The following ATP6V1H variants were observed in gnomAD, a reference collection of about 807,000 sequenced individuals.
ATP6V1H encodes ATPase H+ transporting V1 subunit H.
A neutral mutation model predicts 71.7 loss-of-function variants in ATP6V1H; 39 were observed. That is an observed-to-expected ratio of 0.54 (90% CI 0.42 to 0.71). ATP6V1H has a LOEUF of 0.71. Ranked by LOEUF, ATP6V1H falls within the 30% of genes least tolerant of loss-of-function variation. The pLI is 0.00. For missense variants in ATP6V1H, 509 were observed against 594.9 expected, an observed-to-expected ratio of 0.86 and a Z score of 1.50; for synonymous variants, 192 against 199.3, an observed-to-expected ratio of 0.96 and a Z score of 0.31.
chr8:53,715,949 A>G lies in ATP6V1H; in HGVS notation c.*15T>C. 1.2e-6 allele frequency: 2 copies of G among 1,607,456 alleles called. No individual in the cohort carries two copies. Among genetic ancestry groups the G allele is most frequent in the Non-Finnish European group, 1.7e-6 (2 of 1,177,228 alleles). On this transcript the variant is annotated 3_prime_UTR_variant, in exon 14 of 14. Transcript: ENST00000359530. ...TGGTTCTGCATTGAGGCGGAGGGGA[A>G]GGCCAGAGGCAGGCTTAGCTTCGGG...
chr8:53,791,915 C>T (rs1390618804), intron 9 of ATP6V1H, among the ~76,000 whole-genome samples: 4 of 152,188 alleles, frequency 2.6e-5, no homozygotes, highest in Non-Finnish European at 5.9e-5. Flanking sequence ...ATACATGGAA[C>T]CCACAACTGT....
chr8:53,743,265 G>C (rs986932625), intron 13 of ATP6V1H, among the ~76,000 whole-genome samples: 12 of 152,208 alleles, frequency 7.9e-5, no homozygotes, highest in African/African-American at 2.9e-4. Context: ...GTCTCTAAAG[G>C]AATCAGTAGT....
intron 11 of ATP6V1H, among the ~76,000 whole-genome samples, chr8:53,765,460 C>CA (rs1808423823): frequency 5.6e-5 from 1 of 17,724 alleles, no homozygotes; most frequent in African/African-American, 8.1e-5. Flanking sequence ...CAACAACACA[C>CA]ACACACACAC....
intron 12 of ATP6V1H, among the ~76,000 whole-genome samples, chr8:53,755,263 A>T (rs2130245201): frequency 6.6e-6 from 1 of 152,234 alleles, no homozygotes; most frequent in Non-Finnish European, 1.5e-5. Context: ...GGTTGCTGTT[A>T]TCCTTCCACT....
intron 4 of ATP6V1H, among the ~76,000 whole-genome samples, chr8:53,820,058 T>C (rs1296709488): frequency 1.3e-5 from 2 of 151,980 alleles, no homozygotes; most frequent in Admixed American, 1.3e-4. Context: ...TCTCTCATAC[T>C]CCATCACAAG....
In ATP6V1H at chr8:53,775,053, G is replaced by A. The variant is rs577751393; in HGVS notation, c.871-2886C>T. Among the ~76,000 whole-genome samples, 36 of 152,376 alleles carry A rather than the reference G, an allele frequency of 2.4e-4. No individual in the cohort carries two copies. The South Asian group carries it at 6.2e-3, about 26-fold the overall frequency. ...CGGTGTTACAGTTCTTGAAGGCGGC[G>A]TGTCCGGAGTTTGTTCCCTCTGATG... On this transcript the variant is annotated intron_variant, in intron 9 of 13. Transcript: ENST00000359530.
In ATP6V1H at chr8:53,732,789, C is replaced by T. The variant is rs539815771; in HGVS notation, c.1391+10788G>A. Among the ~76,000 whole-genome samples the T allele has an allele frequency of 7.4e-4, 113 of 152,214 alleles. 1 individual carries two copies. The highest frequency in any genetic ancestry group is 2.1e-3 in the South Asian group (10 of 4,810). On this transcript the variant is annotated intron_variant, in intron 13 of 13. Transcript: ENST00000359530. Reference sequence around the variant, plus strand: ...AGCCGCCAGAGGTAACAGAAATTCTCCCTCCATATGTCCCAGCCTACCCCC... The same window carrying T: ...AGCCGCCAGAGGTAACAGAAATTCTTCCTCCATATGTCCCAGCCTACCCCC...
intron 11 of ATP6V1H, among the ~76,000 whole-genome samples, chr8:53,768,796 A>T (rs1808554325): frequency 6.6e-6 from 1 of 152,186 alleles, no homozygotes; most frequent in African/African-American, 2.4e-5. Flanking sequence ...GGTGACGGCC[A>T]AAGGATATGG....
chr8:53,840,497 C>CAAAA (rs111534562), intron 2 of ATP6V1H, among the ~76,000 whole-genome samples: 2 of 125,076 alleles, frequency 1.6e-5, no homozygotes. Context: ...GACTCTGTCT[C>CAAAA]AAAAAAAAAA....
chr8:53,770,085 A>G (rs993925509), intron 10 of ATP6V1H, among the ~76,000 whole-genome samples: 4 of 152,160 alleles, frequency 2.6e-5, no homozygotes, highest in Admixed American at 6.5e-5. Context: ...GACACTTGAA[A>G]TACTGTATTT....
At chr8:53,739,533 A>G (rs1007980912) in intron 13 of ATP6V1H, 1 of 152,242 alleles carries the variant, frequency 6.6e-6, no homozygotes, top group Non-Finnish European at 1.5e-5. Context: ...GAAAAATTCT[A>G]CGTGAGATCC....
intron 13 of ATP6V1H, among the ~76,000 whole-genome samples, chr8:53,719,531 T>C (rs1342472052): frequency 6.6e-6 from 1 of 152,088 alleles, no homozygotes; most frequent in African/African-American, 2.4e-5. Flanking sequence ...TTCCCAAGAC[T>C]GGGGGACACA....
chr8:53,756,617 T>G lies in ATP6V1H; in HGVS notation c.1215A>C (p.Gln405His), dbSNP rs146139788. 6.8e-6 allele frequency: 11 copies of G among 1,614,022 alleles called. No individual in the cohort carries two copies. Among genetic ancestry groups the G allele is most frequent in the Non-Finnish European group, 9.3e-6 (11 of 1,179,990 alleles). ...CATCGTGAGCAGCAACAGCTAAGAC[T>G]TGGGGATCATCTGACACTTCCAAAA... ...TKLLEVSDDP[Q>H]VLAVAAHDVG... Residue 405 changes from glutamine to histidine, a missense_variant, in exon 12 of 14, where the codon CAA (glutamine) becomes CAC (histidine). Physicochemically the swap from Gln to His is conservative, Grantham distance 24. Transcript: ENST00000359530.
At chr8:53,755,724 ATATAT>A in intron 12 of ATP6V1H, among the ~76,000 whole-genome samples, 1 of 5,912 alleles carries the variant, frequency 1.7e-4, no homozygotes, top group African/African-American at 1.2e-3. Context: ...ATATATATAT[ATATAT>A]ATATATATAT....
intron 9 of ATP6V1H, among the ~76,000 whole-genome samples, chr8:53,794,236 A>G (rs556798419): frequency 6.6e-6 from 1 of 152,354 alleles, no homozygotes; most frequent in East Asian, 1.9e-4. Flanking sequence ...TTTTAAATAC[A>G]AAACAAAATT....
At chr8:53,840,755 C>T (rs898789674) in intron 2 of ATP6V1H, among the ~76,000 whole-genome samples, 2 of 152,126 alleles carry the variant, frequency 1.3e-5, no homozygotes, top group African/African-American at 4.8e-5. Flanking sequence ...AAAATTAACA[C>T]TAATATAAAA....
chr8:53,778,354 T>C (rs1464808941), intron 9 of ATP6V1H, among the ~76,000 whole-genome samples: 1 of 152,212 alleles, frequency 6.6e-6, no homozygotes, highest in African/African-American at 2.4e-5. Context: ...TGAATTATTA[T>C]CTTCTAGCTA....
chr8:53,726,295 CA>C (rs1806809350), intron 13 of ATP6V1H, among the ~76,000 whole-genome samples: 1 of 152,054 alleles, frequency 6.6e-6, no homozygotes, highest in Admixed American at 6.5e-5. Flanking sequence ...CAATTTTTTC[CA>C]AATTGGAAGC....
Position 53,801,873 on chromosome 8 carries a change from C to A in ATP6V1H, c.603G>T (p.Val201=). The A allele has an allele frequency of 1.9e-6, 3 of 1,613,882 alleles. No homozygotes were observed. Among genetic ancestry groups the A allele is most frequent in the Non-Finnish European group, 2.5e-6 (3 of 1,179,918 alleles). Residue 201 remains valine, a synonymous_variant, in exon 8 of 14, where the codon GTG becomes GTT. Transcript: ENST00000359530. ...SSDSSQYVQC[V]AGCLQLMLRV... ...GGAGCATCAGCTGCAAACACCCGGC[C>A]ACGCACTGCACATACTGCGAACTCT...
Sources: gnomAD v4.1 joint callset for allele counts (sites outside exome capture counted in the v4.1 genomes callset) on GRCh38, gnomAD v4.1.1 for gene constraint, MANE v1.5 for transcripts, NCBI Gene and HGNC (gene_info 2026-07-23, HGNC 2026-07-21) for gene names.